Variants in CHEK2 observed in about 807,000 individuals in gnomAD.
CHEK2 encodes checkpoint kinase 2.
In CHEK2, 71 loss-of-function variants were observed where a neutral mutation model predicts 69.1. That is an observed-to-expected ratio of 1.03 (90% CI 0.85 to 1.25). The LOEUF (loss-of-function observed/expected upper bound fraction) is 1.25. CHEK2 is among the 50% of genes most tolerant of loss of function. The pLI, the probability that CHEK2 is intolerant of heterozygous loss-of-function variation, is 0.00. For missense variants in CHEK2, 664 were observed against 649.6 expected (o/e 1.02, Z -0.24); for synonymous variants, 189 against 226.9 (o/e 0.83, Z 1.50).
At chr22:28,690,435 C>T (rs890610472) in intron 13 of CHEK2, among the ~76,000 whole-genome samples, 1 of 151,858 alleles carries the variant, frequency 6.6e-6, no homozygotes, top group African/African-American at 2.4e-5. Context: ...TTGAGATCAG[C>T]CTGGCTAACA....
chr22:28,704,824 A>C (rs182520431), intron 7 of CHEK2, among the ~76,000 whole-genome samples: 53 of 152,332 alleles, frequency 3.5e-4, no homozygotes, highest in African/African-American at 1.2e-3. Flanking sequence ...AAAACTTGCC[A>C]GATTGATCTT....
At position 28,699,936 on chromosome 22, in the gene CHEK2, T is replaced by C. The variant is rs769436449; in HGVS notation, c.910A>G (p.Met304Val). The C allele has an allele frequency of 1.2e-5, 20 of 1,612,008 alleles. No homozygotes were observed. The Admixed American group carries it at 2.0e-4, about 16-fold the overall frequency. The change falls in exon 9 of 15, where the codon ATG becomes GTG. Residue 304 changes from methionine (M) to valine (V), a missense_variant and splice_region_variant. Met to Val is a conservative substitution (Grantham distance 21). Coordinates refer to ENST00000404276, the MANE Select transcript of CHEK2 (RefSeq NM_007194.4). The stretch of plus-strand genomic sequence containing the variant: ...TTGTCAAACAGCTCTCCCCCTTCCA[T>C]CCTGAAACACAAAGGCAAGGCAAGG... ...AEDYYIVLEL[M>V]EGGELFDKVV...
Position 28,689,340 on chromosome 22 carries a change from T to G in CHEK2, c.1462-125A>C, listed in dbSNP as rs1035779067. On this transcript the variant is annotated intron_variant, in intron 13 of 14. Coordinates refer to ENST00000404276, the MANE Select transcript of CHEK2 (RefSeq NM_007194.4). ...GTCCGTCCAAGAATCATCCCCTTGA[T>G]GAAGCTCCCACAGCGAAGGCATTAT... is the stretch of plus-strand genomic sequence containing the variant. 5 of 774,896 alleles carry G rather than the reference T, an allele frequency of 6.5e-6. No individual in the cohort carries two copies. The Admixed American group carries it at 8.6e-5, about 13-fold the overall frequency. The allele number at this position is 774,896 out of a possible 1,614,324, so 48.0% of individuals were successfully genotyped here.
At chr22:28,709,957 A>C (rs1226818879) in intron 7 of CHEK2, 49 bp downstream of exon 7, 1 of 1,078,512 alleles carries the variant, frequency 9.3e-7, no homozygotes, top group African/African-American at 1.6e-5. Context: ...TACTCTTCTC[A>C]TATTTTGAGA....
chr22:28,705,321 C>A (rs1467040566), intron 7 of CHEK2, among the ~76,000 whole-genome samples: 1 of 151,936 alleles, frequency 6.6e-6, no homozygotes, highest in Non-Finnish European at 1.5e-5. Context: ...TCGTGATCCA[C>A]CCGCCTCAGC....
At position 28,694,125 on chromosome 22, in the gene CHEK2, A is replaced by G. The variant is rs550845289; in HGVS notation, c.1376-8T>C. 5 of 1,570,822 alleles carry G rather than the reference A, an allele frequency of 3.2e-6. No homozygotes were observed. The highest frequency in any genetic ancestry group is 4.3e-6 in the Non-Finnish European group (5 of 1,156,632). Reference sequence around the variant, plus strand: ...TCTTGACAAGGTCCAGAGCTAAAGCAACAATTGGGCAAATCACAGTGAAAA... The same window carrying G: ...TCTTGACAAGGTCCAGAGCTAAAGCGACAATTGGGCAAATCACAGTGAAAA... On this transcript the variant is annotated splice_region_variant and splice_polypyrimidine_tract_variant and intron_variant, in intron 12 of 14. Coordinates refer to ENST00000404276, the MANE Select transcript of CHEK2 (RefSeq NM_007194.4).
intron 2 of CHEK2, among the ~76,000 whole-genome samples, chr22:28,726,555 C>A (rs1601829494): frequency 7.0e-6 from 1 of 143,518 alleles, no homozygotes; most frequent in African/African-American, 2.6e-5. Context: ...GTAATTATAT[C>A]TAAATATATA....
chr22:28,737,665 G>C (rs2054452566), intron 1 of CHEK2, among the ~76,000 whole-genome samples: 1 of 151,512 alleles, frequency 6.6e-6, no homozygotes, highest in African/African-American at 2.4e-5. Context: ...TAGAGACAGG[G>C]TTTTCACCGT....
intron 8 of CHEK2, among the ~76,000 whole-genome samples, chr22:28,700,202 C>G (rs1469969987): frequency 2.7e-5 from 4 of 149,296 alleles, no homozygotes; most frequent in African/African-American, 7.4e-5. Flanking sequence ...AAGTGGGGCC[C>G]AGGAGTTGCT....
chr22:28,739,576 C>CT (rs1033115671), intron 1 of CHEK2, among the ~76,000 whole-genome samples: 20 of 152,082 alleles, frequency 1.3e-4, no homozygotes, highest in African/African-American at 4.8e-4. Flanking sequence ...ATAATCCCAG[C>CT]TACTTGGGAG....
intron 13 of CHEK2, among the ~76,000 whole-genome samples, chr22:28,691,062 C>A (rs2052343924): frequency 6.6e-6 from 1 of 152,214 alleles, no homozygotes. Context: ...CTACTCCGCA[C>A]CCTCTCACGG....
At position 28,695,157 on chromosome 22, in the gene CHEK2, G is replaced by T. The variant is rs1555913437; in HGVS notation, c.1345C>A (p.Pro449Thr). Reference protein sequence around the residue: ...QITSGKYNFIPEVWAEVSEKA... With the variant: ...QITSGKYNFITEVWAEVSEKA... ...TCTGAGACTTCTGCCCAGACTTCAG[G>T]AATGAAGTTGTATTTTCCACTGGTG... The change falls in exon 12 of 15, where the codon CCT becomes ACT. Residue 449 changes from proline (P) to threonine (T), a missense_variant. Pro to Thr is a conservative substitution (Grantham distance 38). Coordinates refer to ENST00000404276, the MANE Select transcript of CHEK2 (RefSeq NM_007194.4). 6.2e-7 allele frequency: 1 copy of T among 1,611,894 alleles called. No homozygotes were observed. The highest frequency in any genetic ancestry group is 8.5e-7 in the Non-Finnish European group (1 of 1,178,154).
At chr22:28,724,832 C>T in intron 4 of CHEK2, 145 bp downstream of exon 4, 1 of 850,044 alleles carries the variant, frequency 1.2e-6, no homozygotes, top group South Asian at 1.4e-5. Flanking sequence ...TCCCAAAGTG[C>T]TGGGATTACA....
At chr22:28,720,442 G>C (rs1415518230) in intron 4 of CHEK2, among the ~76,000 whole-genome samples, 1 of 151,602 alleles carries the variant, frequency 6.6e-6, no homozygotes, top group Non-Finnish European at 1.5e-5. Flanking sequence ...ACCCAGGACA[G>C]TGCTGATGAT....
At chr22:28,690,496 T>G (rs1360982219) in intron 13 of CHEK2, among the ~76,000 whole-genome samples, 2 of 151,704 alleles carry the variant, frequency 1.3e-5, no homozygotes, top group Non-Finnish European at 2.9e-5. Context: ...GGCATGGTAG[T>G]GCACGCCTGT....
intron 4 of CHEK2, chr22:28,721,407 C>A: frequency 3.5e-6 from 1 of 285,198 alleles, no homozygotes; most frequent in South Asian, 3.5e-5. Flanking sequence ...CTGCCTCAGA[C>A]CCCTGAGTAG....
intron 4 of CHEK2, among the ~76,000 whole-genome samples, chr22:28,723,671 T>C (rs1209633076): frequency 7.3e-6 from 1 of 136,714 alleles, no homozygotes; most frequent in Admixed American, 7.4e-5. Context: ...GGGCTGGACA[T>C]GGTGGCTCCC....
chr22:28,708,396 T>TGTGTGTGTGTGTGC (rs1390118215), intron 7 of CHEK2, among the ~76,000 whole-genome samples: 1 of 151,342 alleles, frequency 6.6e-6, no homozygotes, highest in Non-Finnish European at 1.5e-5. Context: ...TGTGTGTGTG[T>TGTGTGTGTGTGTGC]GTGTGTTAAA....
At chr22:28,706,689 C>T (rs1178328666) in intron 7 of CHEK2, among the ~76,000 whole-genome samples, 1 of 152,124 alleles carries the variant, frequency 6.6e-6, no homozygotes, top group African/African-American at 2.4e-5. Context: ...GAGGCCAAGG[C>T]AGGCAGATCA....
Sources: gnomAD v4.1 joint callset for allele counts (sites outside exome capture counted in the v4.1 genomes callset) on GRCh38, gnomAD v4.1.1 for gene constraint, MANE v1.5 for transcripts, NCBI Gene and HGNC (gene_info 2026-07-23, HGNC 2026-07-21) for gene names.